Variants in DOCK3 observed in about 807,000 individuals in gnomAD.
The protein encoded by DOCK3 is dedicator of cytokinesis protein 3.
DOCK3 carries 60 observed loss-of-function variants against 265.6 expected under a neutral mutation model. The observed-to-expected ratio is 0.23, with a 90% CI of 0.18 to 0.28. DOCK3 has a LOEUF of 0.28. Among genes scored for constraint, DOCK3 ranks in the 10% least tolerant of loss-of-function variants. The probability of loss-of-function intolerance (pLI) is 1.00; values close to 1 mark genes in which losing one functional copy is unlikely to be tolerated. For missense variants in DOCK3, 1,981 were observed against 2,594.3 expected (o/e 0.76, Z 5.14); for synonymous variants, 881 against 938.0 (o/e 0.94, Z 1.11).
At position 51,080,714 on chromosome 3, in the gene DOCK3, T is replaced by C. The variant is rs184215057; in HGVS notation, c.549+5274T>C. Among the ~76,000 whole-genome samples, 57 of 152,350 alleles carry C rather than the reference T, an allele frequency of 3.7e-4. 1 individual carries two copies. The highest frequency in any genetic ancestry group is 7.9e-4 in the African/African-American group (33 of 41,580). On this transcript the variant is annotated intron_variant, in intron 7 of 52. Coordinates refer to ENST00000266037, the MANE Select transcript of DOCK3 (RefSeq NM_004947.5). ...AAAATCCTTCTGTATATAGTTCTAATTGAAAATTTATGACTACCAAGATTA... is the reference window on the plus strand; with the variant it reads ...AAAATCCTTCTGTATATAGTTCTAACTGAAAATTTATGACTACCAAGATTA...
chr3:50,705,920 A>C (rs919723006), intron 1 of DOCK3, among the ~76,000 whole-genome samples: 9 of 151,998 alleles, frequency 5.9e-5, no homozygotes, highest in Non-Finnish European at 1.3e-4. Flanking sequence ...AATCCGAGCT[A>C]CTCAGGAGGC....
intron 22 of DOCK3, among the ~76,000 whole-genome samples, chr3:51,251,423 A>G (rs1329455001): frequency 2.0e-5 from 3 of 152,234 alleles, no homozygotes; most frequent in African/African-American, 4.8e-5. Context: ...TTCTAGTTCT[A>G]GATCCTTGAG....
intron 5 of DOCK3, among the ~76,000 whole-genome samples, chr3:51,016,542 T>A (rs1479682974): frequency 1.1e-4 from 2 of 18,056 alleles, no homozygotes; most frequent in Non-Finnish European, 1.5e-4. Flanking sequence ...ATATGATATA[T>A]ATATTTATAT....
chr3:50,718,383 CT>C (rs2037258904), intron 1 of DOCK3, among the ~76,000 whole-genome samples: 1 of 152,154 alleles, frequency 6.6e-6, no homozygotes, highest in Admixed American at 6.6e-5. Flanking sequence ...ACATCTTTTG[CT>C]TATATTTTCT....
At chr3:51,035,682 C>A (rs767309460) in intron 5 of DOCK3, among the ~76,000 whole-genome samples, 6 of 152,074 alleles carry the variant, frequency 3.9e-5, no homozygotes, top group Non-Finnish European at 8.8e-5. Flanking sequence ...AATCTAGATT[C>A]TTTTTTGTTG....
At chr3:50,926,240 A>G (rs892124165) in intron 4 of DOCK3, among the ~76,000 whole-genome samples, 38 of 152,206 alleles carry the variant, frequency 2.5e-4, no homozygotes, top group African/African-American at 8.4e-4. Context: ...TCATGTAACC[A>G]ATTTTTATAT....
chr3:50,787,890 C>T, intron 2 of DOCK3: 1 of 1,063,616 alleles, frequency 9.4e-7, no homozygotes, highest in Non-Finnish European at 1.4e-6. Context: ...CCTTTAGGTA[C>T]ATTTAATGTT....
Position 51,264,702 on chromosome 3 carries a change from G to A in DOCK3, c.2355+4376G>A, listed in dbSNP as rs532042601. Among the ~76,000 whole-genome samples, 21 of 151,830 alleles carry A rather than the reference G, an allele frequency of 1.4e-4. 1 individual carries two copies. The South Asian group carries it at 2.3e-3, about 17-fold the overall frequency. ...ATTAGCCGGGCATGGTGGCGGTTAC[G>A]TGTAGTCCCAGCTACTAGGGAGGCT... On this transcript the variant is annotated intron_variant, in intron 23 of 52. Coordinates refer to ENST00000266037, the MANE Select transcript of DOCK3 (RefSeq NM_004947.5).
chr3:51,246,645 G>A (rs2078855511), intron 21 of DOCK3, 81 bp from the exon 22 acceptor site: 1 of 1,262,922 alleles, frequency 7.9e-7, no homozygotes, highest in Non-Finnish European at 1.1e-6. Flanking sequence ...TTTCCTATTT[G>A]CCTAATTCAG....
intron 2 of DOCK3, among the ~76,000 whole-genome samples, chr3:50,821,075 T>G (rs577101896): frequency 6.6e-6 from 1 of 151,900 alleles, no homozygotes; most frequent in African/African-American, 2.4e-5. Flanking sequence ...TTTGCAAATA[T>G]TTTTTCCCAT....
chr3:50,787,269 C>A, intron 2 of DOCK3: 1 of 486,432 alleles, frequency 2.1e-6, no homozygotes, highest in Non-Finnish European at 3.8e-6. Context: ...TACCCTGGGG[C>A]ACACGCCTGT....
intron 14 of DOCK3, among the ~76,000 whole-genome samples, chr3:51,217,982 G>A (rs549421767): frequency 4.0e-5 from 6 of 151,870 alleles, no homozygotes; most frequent in Non-Finnish European, 7.4e-5. Context: ...GCCGGGGGTC[G>A]TGGTGGGCGC....
At chr3:50,783,149 C>T (rs1230452313) in intron 2 of DOCK3, among the ~76,000 whole-genome samples, 1 of 151,974 alleles carries the variant, frequency 6.6e-6, no homozygotes, top group African/African-American at 2.4e-5. Flanking sequence ...CGTGTGCATG[C>T]GTCTTTTTTG....
At chr3:51,261,337 A>G (rs1438153625) in intron 23 of DOCK3, among the ~76,000 whole-genome samples, 3 of 152,110 alleles carry the variant, frequency 2.0e-5, no homozygotes, top group Non-Finnish European at 1.5e-5. Flanking sequence ...CCCCTACCCA[A>G]GGGAAGCTGG....
chr3:51,278,398 A>G, intron 26 of DOCK3: 1 of 985,266 alleles, frequency 1.0e-6, no homozygotes, highest in South Asian at 4.7e-5. Flanking sequence ...TGAGGTGGGG[A>G]TGTGATAAAC....
At chr3:51,311,901 G>A (rs943232185) in intron 28 of DOCK3, 103 bp from the exon 29 acceptor site, 2 of 738,418 alleles carry the variant, frequency 2.7e-6, no homozygotes, top group Non-Finnish European at 4.3e-6. Flanking sequence ...GGAACAAATT[G>A]TACTCAAGAA....
chr3:50,681,289 G>A (rs753500847), intron 1 of DOCK3, among the ~76,000 whole-genome samples: 2 of 152,164 alleles, frequency 1.3e-5, no homozygotes, highest in Non-Finnish European at 2.9e-5. Flanking sequence ...GAGGTTGAAA[G>A]TACTTTAACC....
At chr3:50,759,950 A>G (rs1485767509) in intron 1 of DOCK3, among the ~76,000 whole-genome samples, 1 of 150,080 alleles carries the variant, frequency 6.7e-6, no homozygotes, top group Non-Finnish European at 1.5e-5. Context: ...ATTTAAAAAT[A>G]TTTTTTCCCA....
intron 2 of DOCK3, among the ~76,000 whole-genome samples, chr3:50,813,951 A>T (rs2043912653): frequency 6.6e-6 from 1 of 152,202 alleles, no homozygotes; most frequent in Non-Finnish European, 1.5e-5. Context: ...ACAGTGCATA[A>T]GAATAGTAAA....
Sources: allele counts gnomAD v4.1 joint callset (sites outside exome capture counted in the v4.1 genomes callset), GRCh38; gene constraint gnomAD v4.1.1; transcripts MANE v1.5; gene names NCBI Gene and HGNC (gene_info 2026-07-23, HGNC 2026-07-21).